Variants in EDIL3 observed in about 807,000 individuals in gnomAD.
EDIL3 encodes EGF-like repeat and discoidin I-like domain-containing protein 3.
A neutral mutation model predicts 67.4 loss-of-function variants in EDIL3; 37 were observed. That is an observed-to-expected ratio of 0.55 (90% CI 0.42 to 0.72). The LOEUF is 0.72. EDIL3 is among the 30% of genes least tolerant of loss of function. The pLI is 0.00. For missense variants in EDIL3, 527 were observed against 586.3 expected, an observed-to-expected ratio of 0.90 and a Z score of 1.04; for synonymous variants, 195 against 196.3, an observed-to-expected ratio of 0.99 and a Z score of 0.05.
At chr5:84,329,860 C>T (rs1341988305) in intron 1 of EDIL3, among the ~76,000 whole-genome samples, 3 of 152,006 alleles carry the variant, frequency 2.0e-5, no homozygotes, top group Non-Finnish European at 2.9e-5. Flanking sequence ...CTATTATCTT[C>T]CTTGCACAGA....
At chr5:84,340,080 G>A (rs1009217704) in intron 1 of EDIL3, among the ~76,000 whole-genome samples, 1 of 151,414 alleles carries the variant, frequency 6.6e-6, no homozygotes, top group Non-Finnish European at 1.5e-5. Flanking sequence ...TTTTGTTGTC[G>A]TTTTCTTTTA....
chr5:84,270,710 A>G (rs1044039091), intron 1 of EDIL3, among the ~76,000 whole-genome samples: 6 of 152,198 alleles, frequency 3.9e-5, no homozygotes, highest in African/African-American at 1.4e-4. Context: ...CAATCATCAT[A>G]GGCCATGAAT....
intron 10 of EDIL3, among the ~76,000 whole-genome samples, chr5:83,959,834 G>A (rs1483432258): frequency 1.3e-5 from 2 of 150,494 alleles, no homozygotes; most frequent in East Asian, 2.0e-4. Flanking sequence ...TAAAGCAAAA[G>A]AGTTATTTTG....
At position 83,940,601 on chromosome 5, in the gene EDIL3, C is replaced by A. The variant is rs1279589920; in HGVS notation, c.*2818G>T. ...TACAACTGCTTCAAAAGAATCCCAG[C>A]TTTTCAAAAGTTTATTTTAAGTTTG... On this transcript the variant is annotated 3_prime_UTR_variant, in exon 11 of 11. Coordinates refer to ENST00000296591, the MANE Select transcript of EDIL3 (RefSeq NM_005711.5). 6.6e-6 allele frequency: 1 copy of A among 151,844 alleles called. No individual in the cohort carries two copies. The highest frequency in any genetic ancestry group is 6.6e-5 in the Admixed American group (1 of 15,226). The allele number at this position is 151,844 out of a possible 1,614,324, so 9.4% of individuals were successfully genotyped here.
intron 4 of EDIL3, among the ~76,000 whole-genome samples, chr5:84,141,497 ATT>A (rs959480006): frequency 6.8e-6 from 1 of 147,036 alleles, no homozygotes; most frequent in African/African-American, 2.5e-5. Flanking sequence ...AATTATATAT[ATT>A]ATATATAATA....
chr5:84,084,808 G>A (rs1747040109), intron 6 of EDIL3, among the ~76,000 whole-genome samples: 1 of 152,128 alleles, frequency 6.6e-6, no homozygotes, highest in Admixed American at 6.5e-5. Flanking sequence ...AGGAACAAAT[G>A]CTTTGCCAAA....
rs551202914 is a variant in EDIL3 at position 84,345,792 on chromosome 5, G to C, written c.67+38516C>G. Among the ~76,000 whole-genome samples, 5 of 152,232 alleles carry C rather than the reference G, an allele frequency of 3.3e-5. No homozygotes were observed. In the East Asian group the frequency reaches 9.7e-4, roughly 29 times the overall value. The stretch of plus-strand genomic sequence containing the variant: ...CAAAACTTTCAAAAAAGAAAACGTA[G>C]TCAAAGGCAAGTACAAAAAGAAATG... On this transcript the variant is annotated intron_variant, in intron 1 of 10. Coordinates refer to ENST00000296591, the MANE Select transcript of EDIL3 (RefSeq NM_005711.5).
intron 4 of EDIL3, among the ~76,000 whole-genome samples, chr5:84,142,734 G>GC (rs1397794641): frequency 6.6e-6 from 1 of 151,662 alleles, no homozygotes; most frequent in African/African-American, 2.4e-5. Context: ...GTACATTGAG[G>GC]CCCCCAAGAA....
At chr5:84,310,184 T>A (rs1320436884) in intron 1 of EDIL3, among the ~76,000 whole-genome samples, 3 of 152,232 alleles carry the variant, frequency 2.0e-5, no homozygotes, top group Non-Finnish European at 4.4e-5. Context: ...AATCTACACA[T>A]TCTTTTAGAA....
chr5:84,121,212 C>A (rs1364060733), intron 5 of EDIL3, among the ~76,000 whole-genome samples: 2 of 151,886 alleles, frequency 1.3e-5, no homozygotes, highest in African/African-American at 4.8e-5. Context: ...TGCTTAGTTG[C>A]TGAAAGTGAG....
intron 6 of EDIL3, among the ~76,000 whole-genome samples, chr5:84,070,196 A>G (rs918303376): frequency 4.6e-5 from 7 of 152,134 alleles, no homozygotes; most frequent in African/African-American, 1.7e-4. Context: ...CCAACATGTG[A>G]TCTGATTTTT....
intron 4 of EDIL3, among the ~76,000 whole-genome samples, chr5:84,154,008 C>T (rs1244914377): frequency 6.6e-6 from 1 of 152,098 alleles, no homozygotes; most frequent in Admixed American, 6.5e-5. Flanking sequence ...TGGTTCCTTG[C>T]TGAGGTTTGG....
Position 84,136,355 on chromosome 5 carries a change from C to T in EDIL3, c.469+886G>A, listed in dbSNP as rs113622357. 7.7e-3 allele frequency among the ~76,000 whole-genome samples: 1,168 copies of T among 152,304 alleles called. 7 individuals are homozygous for T. Among genetic ancestry groups the T allele is most frequent in the Middle Eastern group, 0.014 (4 of 294 alleles). ...TACATCGAAGCAGTAGCAGTATGAA[C>T]TTTCCTCTAATTGTCCAACAATTAT... On this transcript the variant is annotated intron_variant, in intron 5 of 10. Transcript: ENST00000296591.
chr5:84,059,033 T>C (rs973951707), intron 9 of EDIL3, among the ~76,000 whole-genome samples: 1 of 151,980 alleles, frequency 6.6e-6, no homozygotes, highest in African/African-American at 2.4e-5. Flanking sequence ...TAAAAAATGT[T>C]AAGGGAAAGT....
At chr5:84,256,431 C>T (rs1201605171) in intron 1 of EDIL3, among the ~76,000 whole-genome samples, 1 of 152,108 alleles carries the variant, frequency 6.6e-6, no homozygotes, top group Non-Finnish European at 1.5e-5. Context: ...TTTAAGGAGA[C>T]TCAGTGCTAT....
intron 9 of EDIL3, among the ~76,000 whole-genome samples, chr5:84,029,215 A>G (rs557038947): frequency 6.6e-6 from 1 of 152,270 alleles, no homozygotes; most frequent in South Asian, 2.1e-4. Flanking sequence ...CAATTGCGCC[A>G]CTGCACTCCA....
At chr5:84,093,290 A>C (rs1006793808) in intron 6 of EDIL3, among the ~76,000 whole-genome samples, 13 of 152,124 alleles carry the variant, frequency 8.5e-5, no homozygotes, top group African/African-American at 2.9e-4. Context: ...ACTTAAACTA[A>C]CTCTGATTCC....
chr5:84,332,666 T>G (rs996004749), intron 1 of EDIL3, among the ~76,000 whole-genome samples: 1 of 152,186 alleles, frequency 6.6e-6, no homozygotes, highest in African/African-American at 2.4e-5. Context: ...TATTTGTCAT[T>G]ATGCTGGCAG....
intron 4 of EDIL3, among the ~76,000 whole-genome samples, chr5:84,148,573 C>CT (rs1377015761): frequency 6.6e-6 from 1 of 152,022 alleles, no homozygotes; most frequent in Non-Finnish European, 1.5e-5. Flanking sequence ...GAAAAGACTC[C>CT]TTTTTTAAAT....
Sources: allele counts gnomAD v4.1 joint callset (sites outside exome capture counted in the v4.1 genomes callset), GRCh38; gene constraint gnomAD v4.1.1; transcripts MANE v1.5; gene names NCBI Gene and HGNC (gene_info 2026-07-23, HGNC 2026-07-21).